Variants in ATRX observed in about 807,000 individuals in gnomAD.
The protein encoded by ATRX is chromatin remodeler ATRX.
Under a neutral mutation model 172.6 loss-of-function variants are expected in ATRX, and 12 were observed. That is an observed-to-expected ratio of 0.07 (90% CI 0.04 to 0.11). The LOEUF (loss-of-function observed/expected upper bound fraction) is 0.11. Among genes scored for constraint, ATRX ranks in the 10% least tolerant of loss-of-function variants. ATRX has a pLI of 1.00. For synonymous variants in ATRX, 674 were observed against 594.7 expected, an observed-to-expected ratio of 1.13 and a Z score of -1.94; for missense variants, 1,368 against 1,767.4, an observed-to-expected ratio of 0.77 and a Z score of 4.05.
intron 30 of ATRX, among the ~76,000 whole-genome samples, chrX:77,532,966 A>G (rs1005702597): frequency 8.9e-6 from 1 of 112,306 alleles, no homozygotes; most frequent in Non-Finnish European, 1.9e-5. Flanking sequence ...AACCCCATTA[A>G]AAAGTAGGCA....
rs1273843482 is a variant in ATRX at position 77,505,792 on chromosome X, CAGAT to C, written c.*2555_*2558del. ...AACAGCACTTTGAATGGTGAAAACA[CAGAT>C]AGTATATTGTCATACTTGAATGCTT... On this transcript the variant is annotated 3_prime_UTR_variant, in exon 35 of 35. Coordinates refer to ENST00000373344, the MANE Select transcript of ATRX (RefSeq NM_000489.6). 16 of 171,267 alleles carry C rather than the reference CAGAT, an allele frequency of 9.3e-5. No homozygotes were observed. Among genetic ancestry groups the C allele is most frequent in the East Asian group, 9.2e-4 (11 of 11,937 alleles). The allele number at this position is 171,267 out of a possible 1,213,427, so 14.1% of individuals were successfully genotyped here.
intron 30 of ATRX, among the ~76,000 whole-genome samples, chrX:77,536,528 T>C (rs1344182872): frequency 1.8e-5 from 2 of 111,768 alleles, no homozygotes; most frequent in Non-Finnish European, 3.8e-5. Flanking sequence ...CTAACCAATA[T>C]AGTAACACCA....
chrX:77,771,255 A>G (rs987828677), intron 1 of ATRX, among the ~76,000 whole-genome samples: 3 of 109,366 alleles, frequency 2.7e-5, no homozygotes, highest in Non-Finnish European at 5.7e-5. Flanking sequence ...ACGCACCTGT[A>G]ATGCCAGCTA....
chrX:77,739,982 G>A (rs182663305), intron 1 of ATRX, among the ~76,000 whole-genome samples: 66 of 100,195 alleles, frequency 6.6e-4, no homozygotes, highest in African/African-American at 2.2e-3. Flanking sequence ...GAACCTGGGA[G>A]GCAGAGGTTT....
At chrX:77,664,800 A>C (rs2070144955) in intron 10 of ATRX, 22 bp from the exon 11 acceptor site, 1 of 1,174,932 alleles carries the variant, frequency 8.5e-7, no homozygotes, top group African/African-American at 1.8e-5. Context: ...AAAACAATAA[A>C]AAAAGAACTA....
chrX:77,694,901 TGG>T (rs45459992), intron 5 of ATRX, among the ~76,000 whole-genome samples: 2 of 27,805 alleles, frequency 7.2e-5, no homozygotes, highest in African/African-American at 1.5e-4. Flanking sequence ...TCTGAAAGGG[TGG>T]GGGGGGGGAG....
intron 26 of ATRX, among the ~76,000 whole-genome samples, chrX:77,592,853 G>A (rs1557081721): frequency 9.0e-6 from 1 of 110,503 alleles, no homozygotes; most frequent in Non-Finnish European, 1.9e-5. Flanking sequence ...TAATTTGAAG[G>A]GGGGTGAAGA....
chrX:77,750,667 A>C (rs1259891764), intron 1 of ATRX, among the ~76,000 whole-genome samples: 1 of 107,978 alleles, frequency 9.3e-6, no homozygotes, highest in Non-Finnish European at 1.9e-5. Context: ...GTCCTAATGC[A>C]CTCCCTCCCC....
At chrX:77,609,815 G>T (rs1374200054) in intron 22 of ATRX, among the ~76,000 whole-genome samples, 2 of 111,912 alleles carry the variant, frequency 1.8e-5, no homozygotes, top group African/African-American at 6.5e-5. Flanking sequence ...CACAGAGATA[G>T]AATGTAGAAC....
intron 28 of ATRX, among the ~76,000 whole-genome samples, chrX:77,563,702 CGTGTGTGTGTGTGTGT>C (rs201190876): frequency 2.0e-4 from 19 of 95,491 alleles, no homozygotes; most frequent in Admixed American, 3.5e-4. Flanking sequence ...TGTGTACATG[CGTGTGTGTGTGTGTGT>C]GTGTGTGTGT....
At chrX:77,676,138 A>G in intron 10 of ATRX, 88 bp downstream of exon 10, 2 of 920,494 alleles carry the variant, frequency 2.2e-6, no homozygotes, top group Non-Finnish European at 3.1e-6. Flanking sequence ...TGGTTTTTAC[A>G]ACCTGCTTGC....
intron 29 of ATRX, among the ~76,000 whole-genome samples, chrX:77,558,046 A>C (rs958086495): frequency 1.1e-4 from 12 of 111,395 alleles, no homozygotes; most frequent in African/African-American, 3.2e-4. Context: ...TCAATGTAAT[A>C]TAATAAGCTA....
chrX:77,668,834 G>A (rs1383368640), intron 10 of ATRX, among the ~76,000 whole-genome samples: 23 of 105,522 alleles, frequency 2.2e-4, no homozygotes, highest in South Asian at 4.2e-4. Flanking sequence ...ACAAGCAATC[G>A]GGGAAAAAAA....
intron 13 of ATRX, among the ~76,000 whole-genome samples, 160 bp downstream of exon 13, chrX:77,656,400 T>C (rs1009337007): frequency 8.9e-6 from 1 of 112,020 alleles, no homozygotes; most frequent in Admixed American, 9.5e-5. Flanking sequence ...AAAATATGCT[T>C]AGATTCTTTT....
chrX:77,649,177 A>T (rs1249829505), intron 15 of ATRX, among the ~76,000 whole-genome samples: 1 of 110,114 alleles, frequency 9.1e-6, no homozygotes, highest in African/African-American at 3.3e-5. Context: ...AGAAAGAAAA[A>T]GAAAGAAAGA....
chrX:77,590,874 TATC>T (rs2066225065), intron 26 of ATRX, among the ~76,000 whole-genome samples: 1 of 112,183 alleles, frequency 8.9e-6, no homozygotes. Flanking sequence ...TGACACAAAG[TATC>T]ATTGTTTTAA....
chrX:77,719,950 A>C (rs782077843), intron 1 of ATRX, among the ~76,000 whole-genome samples: 53 of 112,164 alleles, frequency 4.7e-4, no homozygotes, highest in Non-Finnish European at 9.4e-4. Context: ...ACTCCTAAGC[A>C]AATGAAAAAG....
At chrX:77,653,022 GAAA>G (rs1224591526) in intron 14 of ATRX, among the ~76,000 whole-genome samples, 1 of 92,370 alleles carries the variant, frequency 1.1e-5, no homozygotes, top group Non-Finnish European at 2.2e-5. Flanking sequence ...AAAAAAAAAA[GAAA>G]AAAAGAAAAA....
At chrX:77,575,471 G>A in intron 27 of ATRX, 1 of 110,743 alleles carries the variant, frequency 9.0e-6, no homozygotes, top group Non-Finnish European at 1.9e-5. Flanking sequence ...TTGTTCACTT[G>A]AACAGGATAA....
Sources: gnomAD v4.1 joint callset for allele counts (sites outside exome capture counted in the v4.1 genomes callset) on GRCh38, gnomAD v4.1.1 for gene constraint, MANE v1.5 for transcripts, NCBI Gene and HGNC (gene_info 2026-07-23, HGNC 2026-07-21) for gene names.